Variants in SMCHD1 observed in about 807,000 individuals in gnomAD.
The protein encoded by SMCHD1 is structural maintenance of chromosomes flexible hinge domain containing 1.
SMCHD1 carries 78 observed loss-of-function variants against 254.7 expected under a neutral mutation model. The ratio of observed to expected loss-of-function variants is 0.31; its 90% CI spans 0.26 to 0.37. The LOEUF is 0.37. Among genes scored for constraint, SMCHD1 ranks in the 10% least tolerant of loss-of-function variants. The pLI, the probability that SMCHD1 is intolerant of heterozygous loss-of-function variation, is 1.00. For missense variants in SMCHD1, 1,840 were observed against 2,408.1 expected, an observed-to-expected ratio of 0.76 and a Z score of 4.94; for synonymous variants, 766 against 794.9, an observed-to-expected ratio of 0.96 and a Z score of 0.61.
chr18:2,745,570 G>A lies in SMCHD1; in HGVS notation c.3801+1642G>A, dbSNP rs1460467141. On this transcript the variant is annotated intron_variant, in intron 29 of 47. Transcript: ENST00000320876. ...AGCCAGTGCATTTTTTTTTCTGGGA[G>A]CACTTACAAAACATAAATTAACCCA... Among the ~76,000 whole-genome samples the A allele has an allele frequency of 2.0e-5, 3 of 152,090 alleles. No homozygotes were observed. In the East Asian group the frequency reaches 5.8e-4, roughly 29 times the overall value.
At chr18:2,742,275 A>T (rs558794541) in intron 28 of SMCHD1, among the ~76,000 whole-genome samples, 84 of 152,046 alleles carry the variant, frequency 5.5e-4, no homozygotes, top group Non-Finnish European at 1.0e-3. Context: ...TCTGTAATTG[A>T]CGTATACTAT....
chr18:2,697,414 A>G (rs1339772679), intron 9 of SMCHD1, among the ~76,000 whole-genome samples: 1 of 152,214 alleles, frequency 6.6e-6, no homozygotes, highest in Non-Finnish European at 1.5e-5. Context: ...AAAGGGAGAT[A>G]ATGTAGCTTT....
At chr18:2,671,719 C>T (rs2073610884) in intron 3 of SMCHD1, among the ~76,000 whole-genome samples, 1 of 151,882 alleles carries the variant, frequency 6.6e-6, no homozygotes, top group Admixed American at 6.6e-5. Flanking sequence ...CCTCAGTCTC[C>T]TGAGTAGCTG....
intron 29 of SMCHD1, 23 bp downstream of exon 29, chr18:2,743,951 TG>T: frequency 6.4e-7 from 1 of 1,563,506 alleles, no homozygotes; most frequent in African/African-American, 1.4e-5. Context: ...ATGTCTTCAC[TG>T]AAAGAATTTA....
At position 2,759,109 on chromosome 18, in the gene SMCHD1, T is replaced by G. The variant is rs192117151; in HGVS notation, c.4347-1543T>G. On this transcript the variant is annotated intron_variant, in intron 34 of 47. Coordinates refer to ENST00000320876, the MANE Select transcript of SMCHD1 (RefSeq NM_015295.3). ...CCTTTAGGTCTGTTGTGATTTTCTC[T>G]TAGTTTCTGTTGGTTTTCATTCTAG... Among the ~76,000 whole-genome samples the G allele has an allele frequency of 1.8e-3, 276 of 152,346 alleles. 1 individual carries two copies. The highest frequency in any genetic ancestry group is 6.4e-3 in the African/African-American group (268 of 41,578).
At position 2,684,700 on chromosome 18, in the gene SMCHD1, A is replaced by AGTGTGTGTGTGTGTGTGTGTGT. The variant is rs71365193; in HGVS notation, c.639-3682_639-3661dup. ...TTTTTTCCTGCCTTATTGCAGATTC[A>AGTGTGTGTGTGTGTGTGTGTGT]GTGTGTGTGTGTGTGTGTGTGTGTG... On this transcript the variant is annotated intron_variant, in intron 5 of 47. Coordinates refer to ENST00000320876, the MANE Select transcript of SMCHD1 (RefSeq NM_015295.3). Among the ~76,000 whole-genome samples the AGTGTGTGTGTGTGTGTGTGTGT allele has an allele frequency of 3.6e-3, 412 of 115,574 alleles. 5 individuals carry two copies. The highest frequency in any genetic ancestry group is 0.016 in the South Asian group (49 of 2,988). 75.8% of individuals were successfully genotyped at this position (115,574 alleles called of 152,430 possible).
intron 10 of SMCHD1, 67 bp from the exon 11 acceptor site, chr18:2,700,472 G>GTTTGAAAAA (rs2074376523): frequency 2.1e-6 from 3 of 1,454,668 alleles, no homozygotes; most frequent in Admixed American, 2.3e-5. Context: ...AAACATTTAT[G>GTTTGAAAAA]TGTTTGTTTC....
chr18:2,660,115 GGAGTTA>G (rs1244242430), intron 1 of SMCHD1, among the ~76,000 whole-genome samples: 5 of 152,132 alleles, frequency 3.3e-5, no homozygotes, highest in Non-Finnish European at 7.4e-5. Flanking sequence ...CCTGAGGTCA[GGAGTTA>G]GAGATCAGCT....
At chr18:2,778,752 CT>C (rs1167481580) in intron 44 of SMCHD1, among the ~76,000 whole-genome samples, 2 of 152,190 alleles carry the variant, frequency 1.3e-5, no homozygotes, top group Non-Finnish European at 2.9e-5. Context: ...TCTCTTCCCC[CT>C]GTCTCTTCAC....
At chr18:2,762,757 G>A (rs2075808453) in intron 36 of SMCHD1, among the ~76,000 whole-genome samples, 1 of 151,950 alleles carries the variant, frequency 6.6e-6, no homozygotes, top group African/African-American at 2.4e-5. Context: ...CAAAGTGCTG[G>A]GATTACAGCT....
intron 1 of SMCHD1, among the ~76,000 whole-genome samples, chr18:2,659,036 T>TA (rs751027771): frequency 6.6e-6 from 1 of 152,162 alleles, no homozygotes; most frequent in Non-Finnish European, 1.5e-5. Flanking sequence ...AATAATATAC[T>TA]AAAGTTTTTG....
In SMCHD1 at chr18:2,729,340, A is replaced by G. The variant is rs575046640; in HGVS notation, c.2979A>G (p.Leu993=). 6 of 1,561,218 alleles carry G rather than the reference A, an allele frequency of 3.8e-6. No homozygotes were observed. In the African/African-American group the frequency reaches 5.4e-5, roughly 14 times the overall value. Residue 993 remains leucine (L), a synonymous_variant, in exon 24 of 48, where the codon TTA becomes TTG. Transcript: ENST00000320876. The part of the protein sequence containing the change: ...VDCSSSGTSI[L]TGSAIQVQNI... Reference sequence around the variant, plus strand: ...GCAGTAGTTCTGGAACCAGTATTTTAACAGGATCTGCAATTCAAGTTCAGA... The same window carrying G: ...GCAGTAGTTCTGGAACCAGTATTTTGACAGGATCTGCAATTCAAGTTCAGA...
At chr18:2,705,664 CTT>C (rs377473058) in intron 13 of SMCHD1, 28 bp from the exon 14 acceptor site, 806 of 888,798 alleles carry the variant, frequency 9.1e-4, no homozygotes, top group South Asian at 1.4e-3. Context: ...AATACTGAAG[CTT>C]TTTTTTTTTT....
At chr18:2,778,350 T>G in intron 44 of SMCHD1, 111 bp downstream of exon 44, 1 of 700,912 alleles carries the variant, frequency 1.4e-6, no homozygotes, top group South Asian at 2.4e-5. Context: ...ATTTAAATTC[T>G]GCAAATTGAT....
Position 2,655,802 on chromosome 18 carries a change from C to G in SMCHD1, c.-274C>G. ...GCGGCGATAGGCGCTGGGCCCGGGC[C>G]CGGTGAGGAGCGCGCCGCGCGTCCC... On this transcript the variant is annotated 5_prime_UTR_variant, in exon 1 of 48. Coordinates refer to ENST00000320876, the MANE Select transcript of SMCHD1 (RefSeq NM_015295.3). The G allele has an allele frequency of 3.3e-6, 1 of 300,156 alleles. No homozygotes were observed. The highest frequency in any genetic ancestry group is 5.1e-5 in the Admixed American group (1 of 19,420). 18.6% of individuals were successfully genotyped at this position (300,156 alleles called of 1,614,324 possible). A position where few individuals can be genotyped will look rare whatever the true frequency, so the allele number is the denominator to read the frequency against.
At chr18:2,733,802 T>C (rs1380307231) in intron 25 of SMCHD1, among the ~76,000 whole-genome samples, 1 of 152,236 alleles carries the variant, frequency 6.6e-6, no homozygotes, top group African/African-American at 2.4e-5. Context: ...TTTTTTCCCT[T>C]GATGTCTATG....
chr18:2,772,062 A>G lies in SMCHD1; in HGVS notation c.5053-188A>G, dbSNP rs375738852. On this transcript the variant is annotated intron_variant, in intron 40 of 47. Transcript: ENST00000320876. ...GTGGGAACTTTATATTACTATAACC[A>G]TGGTTTTTAAAATTGTGTTTTCTTT... is the stretch of plus-strand genomic sequence containing the variant. Among the ~76,000 whole-genome samples, 12 of 151,922 alleles carry G rather than the reference A, an allele frequency of 7.9e-5. No individual in the cohort carries two copies. In the East Asian group the frequency reaches 1.7e-3, roughly 22 times the overall value.
Position 2,700,718 on chromosome 18 carries a change from A to G in SMCHD1, c.1464-17A>G. 6.2e-7 allele frequency: 1 copy of G among 1,606,704 alleles called. No homozygotes were observed. Among genetic ancestry groups the G allele is most frequent in the Non-Finnish European group, 8.5e-7 (1 of 1,176,588 alleles). On this transcript the variant is annotated splice_polypyrimidine_tract_variant and intron_variant, in intron 11 of 47. Coordinates refer to ENST00000320876, the MANE Select transcript of SMCHD1 (RefSeq NM_015295.3). ...CAACTTAATTCTTTTACTAACTAACATTTTGTTCTGTTCAAGCTTTGACTG... is the reference window on the plus strand; with the variant it reads ...CAACTTAATTCTTTTACTAACTAACGTTTTGTTCTGTTCAAGCTTTGACTG...
chr18:2,772,452 A>G, intron 41 of SMCHD1, 80 bp downstream of exon 41: 2 of 1,213,066 alleles, frequency 1.6e-6, no homozygotes, highest in South Asian at 2.1e-5. Flanking sequence ...AAAAGTGACA[A>G]AAAAGTGTCA....
Sources: gnomAD v4.1 joint callset for allele counts (sites outside exome capture counted in the v4.1 genomes callset) on GRCh38, gnomAD v4.1.1 for gene constraint, MANE v1.5 for transcripts, NCBI Gene and HGNC (gene_info 2026-07-23, HGNC 2026-07-21) for gene names.